The following DCBLD1 variants were observed in gnomAD, a reference collection of about 807,000 sequenced individuals.
DCBLD1 encodes the protein discoidin, CUB and LCCL domain containing 1.
Under a neutral mutation model 71.5 loss-of-function variants are expected in DCBLD1, and 57 were observed. The ratio of observed to expected loss-of-function variants is 0.80; its 90% CI spans 0.64 to 0.99. The LOEUF (loss-of-function observed/expected upper bound fraction) is 0.99, where lower values mean the gene tolerates loss of function less well. DCBLD1 is among the 50% of genes least tolerant of loss of function. The pLI is 0.00. For missense variants in DCBLD1, 891 were observed against 923.5 expected (o/e 0.96, Z 0.46); for synonymous variants, 380 against 363.8 (o/e 1.04, Z -0.51).
chr6:117,511,565 A>G (rs967449089), intron 2 of DCBLD1, among the ~76,000 whole-genome samples: 5 of 152,224 alleles, frequency 3.3e-5, no homozygotes, highest in African/African-American at 1.2e-4. Flanking sequence ...TAGGAATGAG[A>G]GAAATAGGAA....
At position 117,555,089 on chromosome 6, in the gene DCBLD1, G is replaced by C. The variant is rs535807368; in HGVS notation, c.1615+9492G>C. Among the ~76,000 whole-genome samples, 8 of 152,170 alleles carry C rather than the reference G, an allele frequency of 5.3e-5. No homozygotes were observed. In the South Asian group the frequency reaches 1.7e-3, roughly 32 times the overall value. ...AAATCATGTATTTTGGTAATTTGTG[G>C]GGAGAGCACTTTGACAATTCCTTCA... On this transcript the variant is annotated intron_variant, in intron 14 of 14. Coordinates refer to the DCBLD1 transcript ENST00000296955.
At chr6:117,555,287 GT>G (rs1310674154) in intron 14 of DCBLD1, among the ~76,000 whole-genome samples, 1 of 151,918 alleles carries the variant, frequency 6.6e-6, no homozygotes, top group African/African-American at 2.4e-5. Flanking sequence ...CTTATTTCTT[GT>G]TTTGTATATT....
chr6:117,494,318 G>A (rs1163637228), intron 1 of DCBLD1, among the ~76,000 whole-genome samples: 4 of 152,170 alleles, frequency 2.6e-5, no homozygotes, highest in African/African-American at 9.7e-5. Context: ...GGACTCCAGA[G>A]AGAAAAGTCA....
intron 1 of DCBLD1, among the ~76,000 whole-genome samples, chr6:117,484,406 T>C (rs1327591421): frequency 2.0e-5 from 3 of 152,184 alleles, no homozygotes; most frequent in African/African-American, 7.2e-5. Context: ...TGCAGTGCAG[T>C]GGCACGATCT....
At position 117,548,222 on chromosome 6, in the gene DCBLD1, G is replaced by T. The variant is rs1021182837; in HGVS notation, c.1931G>T (p.Gly644Val). The change falls in exon 15 of 15, where the codon GGT becomes GTT. Residue 644 changes from glycine (G) to valine (V), a missense_variant. Transcript: ENST00000338728. ...TCGGGCGGCTTCTCCCCCGTAGCGG[G>T]TGTGGGCGCCCAGGACGGAGACTAT... ...LSSGGFSPVA[G>V]VGAQDGDYQR... 6.4e-6 allele frequency: 10 copies of T among 1,550,456 alleles called. No homozygotes were observed. Among genetic ancestry groups the T allele is most frequent in the African/African-American group, 2.7e-5 (2 of 73,052 alleles).
chr6:117,495,352 T>C (rs1777434986), intron 1 of DCBLD1, among the ~76,000 whole-genome samples: 1 of 152,228 alleles, frequency 6.6e-6, no homozygotes, highest in African/African-American at 2.4e-5. Context: ...ATATTTTTGA[T>C]ACTTTAATAA....
chr6:117,559,729 A>G (rs945322140), intron 14 of DCBLD1, among the ~76,000 whole-genome samples: 3 of 152,218 alleles, frequency 2.0e-5, no homozygotes, highest in African/African-American at 7.2e-5. Context: ...GGTTAGTTAT[A>G]AAACCACCTA....
chr6:117,522,171 C>T (rs1193462538), intron 4 of DCBLD1, among the ~76,000 whole-genome samples: 1 of 152,216 alleles, frequency 6.6e-6, no homozygotes, highest in African/African-American at 2.4e-5. Flanking sequence ...TACATTTGCT[C>T]ATCTATCAAG....
rs1407056094 is a variant in DCBLD1, at chr6:117,543,944, G to A, written c.1446-584G>A. 3.3e-5 allele frequency among the ~76,000 whole-genome samples: 5 copies of A among 152,278 alleles called. No individual in the cohort carries two copies. In the South Asian group the frequency reaches 1.0e-3, roughly 32 times the overall value. On this transcript the variant is annotated intron_variant, in intron 12 of 14. Coordinates refer to ENST00000338728, the MANE Select transcript of DCBLD1 (RefSeq NM_001366458.2). ...GAGATCCATGTTTATTTTGACAAAT[G>A]TTAGATGTTGGATCTAAACAAAAAA...
chr6:117,515,020 G>GTT (rs757426605), intron 2 of DCBLD1, among the ~76,000 whole-genome samples: 6 of 136,988 alleles, frequency 4.4e-5, no homozygotes, highest in East Asian at 2.1e-4. Flanking sequence ...CAGTTTGTGG[G>GTT]TTTTTTTTTT....
chr6:117,492,242 C>A lies in DCBLD1; in HGVS notation c.112+9349C>A, dbSNP rs548232414. 3.0e-4 allele frequency among the ~76,000 whole-genome samples: 45 copies of A among 152,290 alleles called. No individual in the cohort carries two copies. The South Asian group carries it at 5.0e-3, about 17-fold the overall frequency. On this transcript the variant is annotated intron_variant, in intron 1 of 14. Transcript: ENST00000338728. ...ATTTTTCATATAGACAAATTTTAAACCTCTATCTTCATATGTATTTTGAAT... is the reference window on the plus strand; with the variant it reads ...ATTTTTCATATAGACAAATTTTAAAACTCTATCTTCATATGTATTTTGAAT...
At chr6:117,487,515 TC>T in intron 1 of DCBLD1, among the ~76,000 whole-genome samples, 1 of 152,058 alleles carries the variant, frequency 6.6e-6, no homozygotes, top group Non-Finnish European at 1.5e-5. Context: ...TCTCGGCTAC[TC>T]GGGATGCTGA....
intron 1 of DCBLD1, among the ~76,000 whole-genome samples, chr6:117,492,396 C>T (rs1777323843): frequency 6.6e-6 from 1 of 152,192 alleles, no homozygotes; most frequent in African/African-American, 2.4e-5. Flanking sequence ...GAACCAGGCA[C>T]GTATCTTACA....
intron 1 of DCBLD1, among the ~76,000 whole-genome samples, chr6:117,502,605 G>C (rs1777701160): frequency 6.6e-6 from 1 of 152,210 alleles, no homozygotes; most frequent in Non-Finnish European, 1.5e-5. Context: ...GAGGTCCTCA[G>C]ATTCACAGTA....
At chr6:117,492,301 A>G (rs186067084) in intron 1 of DCBLD1, among the ~76,000 whole-genome samples, 3 of 152,342 alleles carry the variant, frequency 2.0e-5, no homozygotes, top group East Asian at 3.9e-4. Context: ...TTTAATCCCA[A>G]CAATTCTGAG....
In DCBLD1 at chr6:117,563,521, A is replaced by G. The variant is rs938840215; in HGVS notation, c.1616-6099A>G. 28 of 737,226 alleles carry G rather than the reference A, an allele frequency of 3.8e-5. No homozygotes were observed. The Admixed American group carries it at 4.5e-4, about 12-fold the overall frequency. 45.7% of individuals were successfully genotyped at this position (737,226 alleles called of 1,614,324 possible). A position where few individuals can be genotyped will look rare whatever the true frequency, so the allele number is the denominator to read the frequency against. On this transcript the variant is annotated intron_variant, in intron 14 of 14. Transcript: ENST00000296955. ...TGGATAACCTGAGGTTAGGGGTTCG[A>G]GACCAGCCTGGACAATGTGGTGAAA... is the stretch of plus-strand genomic sequence containing the variant.
At chr6:117,498,272 A>G (rs972396385) in intron 1 of DCBLD1, among the ~76,000 whole-genome samples, 1 of 152,224 alleles carries the variant, frequency 6.6e-6, no homozygotes, top group African/African-American at 2.4e-5. Flanking sequence ...TGTGGCTCCA[A>G]ACAGACACCA....
chr6:117,525,497 A>G, intron 5 of DCBLD1, 63 bp downstream of exon 5: 1 of 1,219,098 alleles, frequency 8.2e-7, no homozygotes, highest in Non-Finnish European at 1.1e-6. Flanking sequence ...ACTCTGCCTA[A>G]ATTAATTACT....
intron 2 of DCBLD1, among the ~76,000 whole-genome samples, chr6:117,518,309 G>A (rs547647040): frequency 6.6e-5 from 10 of 152,166 alleles, no homozygotes; most frequent in African/African-American, 1.2e-4. Flanking sequence ...CCACCTCAGC[G>A]TGGACATTAT....
Sources: allele counts gnomAD v4.1 joint callset (sites outside exome capture counted in the v4.1 genomes callset), GRCh38; gene constraint gnomAD v4.1.1; transcripts MANE v1.5; gene names NCBI Gene and HGNC (gene_info 2026-07-23, HGNC 2026-07-21).